Variants in TENM3 observed in about 807,000 individuals in gnomAD.
TENM3 encodes the protein teneurin-3.
Under a neutral mutation model 255.1 loss-of-function variants are expected in TENM3, and 63 were observed. The observed-to-expected ratio is 0.25, with a 90% CI of 0.20 to 0.30. The LOEUF (loss-of-function observed/expected upper bound fraction) is 0.30. Among genes scored for constraint, TENM3 ranks in the 10% least tolerant of loss-of-function variants. The probability of loss-of-function intolerance (pLI) is 1.00; values close to 1 mark genes in which losing one functional copy is unlikely to be tolerated. For missense variants in TENM3, 2,929 were observed against 3,461.1 expected, an observed-to-expected ratio of 0.85 and a Z score of 3.86; for synonymous variants, 1,306 against 1,322.3, an observed-to-expected ratio of 0.99 and a Z score of 0.27.
the TENM3 span, among the ~76,000 whole-genome samples, chr4:181,818,484 C>T: frequency 2.0e-5 from 3 of 152,192 alleles, no homozygotes; most frequent in Admixed American, 1.3e-4. Context: ...TTGCCACATA[C>T]ACCAGCTCCT....
the TENM3 span, among the ~76,000 whole-genome samples, chr4:181,627,200 C>T: frequency 3.3e-5 from 5 of 151,930 alleles, no homozygotes; most frequent in African/African-American, 7.3e-5. Context: ...ATATGGGGTG[C>T]AGAAAGAAAA....
chr4:181,572,384 A>C, the TENM3 span, among the ~76,000 whole-genome samples: 1 of 152,360 alleles, frequency 6.6e-6, no homozygotes, highest in Non-Finnish European at 1.5e-5. Context: ...GAAGATATAT[A>C]AAACATAATA....
rs1032411727 is a variant in TENM3, at chr4:182,688,038, G to A, written c.2036-128G>A. On this transcript the variant is annotated intron_variant, in intron 11 of 27. Transcript: ENST00000511685. ...ATTTACGTAGCATACAAATACTTTT[G>A]ATTTCTTTTGGATGATTTTGTGTTT... 11 of 855,148 alleles carry A rather than the reference G, an allele frequency of 1.3e-5. No individual in the cohort carries two copies. In the East Asian group the frequency reaches 2.9e-4, roughly 23 times the overall value. The allele number at this position is 855,148 out of a possible 1,614,324, so 53.0% of individuals were successfully genotyped here. A position where few individuals can be genotyped will look rare whatever the true frequency, so the allele number is the denominator to read the frequency against.
rs185853237 is a variant in TENM3 at position 182,566,885 on chromosome 4, T to C, written c.512-34039T>C. Among the ~76,000 whole-genome samples, 4 of 152,296 alleles carry C rather than the reference T, an allele frequency of 2.6e-5. No individual in the cohort carries two copies. The East Asian group carries it at 5.8e-4, about 22-fold the overall frequency. ...TCTTTTCTATAGTATTTCACTATTT[T>C]CAAGATGAAATTTATTGGTATGTAT... On this transcript the variant is annotated intron_variant, in intron 3 of 27. Coordinates refer to ENST00000511685, the MANE Select transcript of TENM3 (RefSeq NM_001080477.4).
chr4:181,903,464 A>G, the TENM3 span, among the ~76,000 whole-genome samples: 4 of 152,110 alleles, frequency 2.6e-5, no homozygotes, highest in Non-Finnish European at 5.9e-5. Flanking sequence ...TCTTGGCTAG[A>G]GATAGGAGTG....
chr4:182,687,251 GA>G (rs1396357470), intron 11 of TENM3, among the ~76,000 whole-genome samples: 1 of 152,102 alleles, frequency 6.6e-6, no homozygotes, highest in Non-Finnish European at 1.5e-5. Context: ...AATTTTAGGG[GA>G]AAAAACTATA....
At chr4:182,432,849 G>GTGTGTGTGTGTGTGTCTGTGTGTGTGTGT (rs1554066038) in intron 3 of TENM3, among the ~76,000 whole-genome samples, 5 of 142,976 alleles carry the variant, frequency 3.5e-5, no homozygotes, top group Non-Finnish European at 7.7e-5. Flanking sequence ...AATGGATTTG[G>GTGTGTGTGTGTGTGTCTGTGTGTGTGTGT]GTGTGTGTGT....
Position 182,288,529 on chromosome 4 carries a change from G to A in TENM3, c.-75-35417G>A, listed in dbSNP as rs148221033. On this transcript the variant is annotated intron_variant, in intron 1 of 27. Transcript: ENST00000511685. ...AATCTAAAAATGTGTCTGGCACGTG[G>A]TGGGTTTTCAATAAACAGCGGTTGA... Among the ~76,000 whole-genome samples the A allele has an allele frequency of 2.4e-3, 366 of 152,280 alleles. 1 individual carries two copies. Among genetic ancestry groups the A allele is most frequent in the African/African-American group, 7.9e-3 (330 of 41,550 alleles).
chr4:181,679,586 C>T, the TENM3 span, among the ~76,000 whole-genome samples: 1 of 152,012 alleles, frequency 6.6e-6, no homozygotes, highest in East Asian at 1.9e-4. Flanking sequence ...ATTTAATTAA[C>T]CAGAGTTTTT....
the TENM3 span, among the ~76,000 whole-genome samples, chr4:182,076,290 C>T: frequency 2.0e-5 from 3 of 151,150 alleles, no homozygotes; most frequent in Non-Finnish European, 4.4e-5. Flanking sequence ...CTGCAACCTC[C>T]GCCTCCTGGG....
the TENM3 span, among the ~76,000 whole-genome samples, chr4:181,951,916 T>C: frequency 3.3e-5 from 5 of 152,334 alleles, no homozygotes; most frequent in South Asian, 1.0e-3. Context: ...AATTGTTCTT[T>C]ATATATTGTA....
rs763203300 is a variant in TENM3 at position 182,799,805 on chromosome 4, C to A, written c.7554C>A (p.Asn2518Lys). The A allele has an allele frequency of 3.7e-6, 6 of 1,607,296 alleles. No individual in the cohort carries two copies. Among genetic ancestry groups the A allele is most frequent in the Non-Finnish European group, 5.1e-6 (6 of 1,177,304 alleles). Residue 2518 changes from asparagine (N) to lysine (K), a missense_variant, in exon 28 of 28, where the codon AAC (asparagine) becomes AAA (lysine). By Grantham distance (94) the Asn-to-Lys change is moderately conservative. Coordinates refer to ENST00000511685, the MANE Select transcript of TENM3 (RefSeq NM_001080477.4). This position sits in a 1 kb window ranked among gnomAD's most constrained non-coding sequence, Gnocchi z 4.2. Reference protein sequence around the residue: ...RVQTNVLNIANEDCIKVAAVL... With the variant: ...RVQTNVLNIAKEDCIKVAAVL... ...AGACCAACGTGCTCAACATCGCCAA[C>A]GAGGACTGCATCAAGGTGGCGGCCG...
chr4:181,859,600 G>C, the TENM3 span, among the ~76,000 whole-genome samples: 1 of 152,104 alleles, frequency 6.6e-6, no homozygotes, highest in South Asian at 2.1e-4. Context: ...AAGTGAAATA[G>C]TGATTTCCTT....
chr4:182,297,935 T>C (rs1019336509), intron 1 of TENM3, among the ~76,000 whole-genome samples: 2 of 152,162 alleles, frequency 1.3e-5, no homozygotes, highest in Admixed American at 6.5e-5. Flanking sequence ...CTCTGCCCCA[T>C]AGCCTGCGCT....
At chr4:182,679,585 A>G in intron 7 of TENM3, 81 bp from the exon 8 acceptor site, 2 of 1,100,384 alleles carry the variant, frequency 1.8e-6, no homozygotes, top group South Asian at 2.9e-5. Context: ...GAGCAAAGGA[A>G]GACAGATTGA....
At chr4:181,871,495 T>C in the TENM3 span, among the ~76,000 whole-genome samples, 1 of 152,100 alleles carries the variant, frequency 6.6e-6, no homozygotes. Flanking sequence ...ACAGTCATTT[T>C]GTCTATGAAT....
chr4:181,748,981 AG>A, the TENM3 span, among the ~76,000 whole-genome samples: 1 of 152,126 alleles, frequency 6.6e-6, no homozygotes, highest in Non-Finnish European at 1.5e-5. Context: ...TCTATGTTAG[AG>A]GACATTTATT....
At chr4:182,480,111 C>T (rs566356689) in intron 3 of TENM3, among the ~76,000 whole-genome samples, 6 of 151,946 alleles carry the variant, frequency 3.9e-5, no homozygotes, top group African/African-American at 9.6e-5. Flanking sequence ...TTGAGAATTA[C>T]GATCTATATT....
the TENM3 span, among the ~76,000 whole-genome samples, chr4:181,512,534 C>T: frequency 1.3e-5 from 2 of 152,128 alleles, no homozygotes; most frequent in African/African-American, 2.4e-5. Flanking sequence ...CAGTTTCCTC[C>T]TTTACATTTT....
Sources: gnomAD v4.1 joint callset for allele counts (sites outside exome capture counted in the v4.1 genomes callset) on GRCh38, gnomAD v4.1.1 for gene constraint, Gnocchi (gnomAD v3.1) non-coding constraint, MANE v1.5 for transcripts, NCBI Gene and HGNC (gene_info 2026-07-23, HGNC 2026-07-21) for gene names.